ARHGAP6: variants seen among roughly 807,000 people sequenced by gnomAD.
The protein encoded by ARHGAP6 is rho GTPase-activating protein 6.
In ARHGAP6, 16 loss-of-function variants were observed where a neutral mutation model predicts 55.7. The observed-to-expected ratio is 0.29, with a 90% confidence interval of 0.19 to 0.44. ARHGAP6 has a LOEUF of 0.44. ARHGAP6 is among the 20% of genes least tolerant of loss of function. The pLI is 1.00. For missense variants in ARHGAP6, 698 were observed against 808.9 expected (o/e 0.86, Z 1.66); for synonymous variants, 382 against 360.9 (o/e 1.06, Z -0.66).
chrX:11,482,997 AT>A (rs2050473049), intron 1 of ARHGAP6, among the ~76,000 whole-genome samples: 1 of 110,107 alleles, frequency 9.1e-6, no homozygotes, highest in Non-Finnish European at 1.9e-5. Flanking sequence ...TTCCTCTACC[AT>A]TTTTTCCCAA....
At chrX:11,649,708 A>G (rs781511308) in intron 1 of ARHGAP6, among the ~76,000 whole-genome samples, 2 of 112,120 alleles carry the variant, frequency 1.8e-5, no homozygotes, top group African/African-American at 3.2e-5. Flanking sequence ...TTTCATAAAA[A>G]TAATGTAACC....
intron 1 of ARHGAP6, among the ~76,000 whole-genome samples, chrX:11,599,442 T>C (rs1285155057): frequency 8.9e-6 from 1 of 112,041 alleles, no homozygotes; most frequent in Non-Finnish European, 1.9e-5. Flanking sequence ...TAAACACTTA[T>C]AATTTTTTAT....
At chrX:11,287,796 C>T (rs769898998) in intron 1 of ARHGAP6, among the ~76,000 whole-genome samples, 7 of 112,511 alleles carry the variant, frequency 6.2e-5, no homozygotes, top group Non-Finnish European at 1.3e-4. Flanking sequence ...CCTGAAGCCC[C>T]TGGCACACAA....
intron 1 of ARHGAP6, among the ~76,000 whole-genome samples, chrX:11,422,694 G>GTA (rs1292494880): frequency 1.8e-5 from 2 of 112,300 alleles, no homozygotes; most frequent in Non-Finnish European, 3.8e-5. Context: ...TCATGTGTGT[G>GTA]TGGTCCAGGG....
Position 11,139,375 on chromosome X carries a change from G to A in ARHGAP6, c.2413C>T (p.Pro805Ser). ...GGGTGGGCCCTGCCCTCCGTCGCGGGGGCTGCGGCCTGAGTCCTCCGAGCC... is the reference window on the plus strand; with the variant it reads ...GGGTGGGCCCTGCCCTCCGTCGCGGAGGCTGCGGCCTGAGTCCTCCGAGCC... The part of the protein sequence containing the change: ...QGARRTQAAA[P>S]ATEGRAHPAV... Residue 805 changes from proline to serine, a missense_variant, in exon 13 of 13, where the codon CCC (proline) becomes TCC (serine). This residue lies in a region of ARHGAP6 where 212 missense variants were observed against 208.7 expected (regional missense o/e 1.02). Transcript: ENST00000337414. 2 of 1,182,020 alleles carry A rather than the reference G, an allele frequency of 1.7e-6. No individual in the cohort carries two copies. Among genetic ancestry groups the A allele is most frequent in the Non-Finnish European group, 2.3e-6 (2 of 882,177 alleles).
intron 1 of ARHGAP6, among the ~76,000 whole-genome samples, chrX:11,574,292 A>G (rs1399449255): frequency 9.0e-6 from 1 of 111,480 alleles, no homozygotes; most frequent in Non-Finnish European, 1.9e-5. Context: ...TTTTAGACAA[A>G]TATCCTTGAT....
At chrX:11,484,826 C>T (rs140262775) in intron 1 of ARHGAP6, among the ~76,000 whole-genome samples, 9,082 of 110,986 alleles carry the variant, frequency 0.082, 405 homozygotes, top group East Asian at 0.18. Context: ...AAAAGAAAAA[C>T]TATTAAATAG....
intron 1 of ARHGAP6, among the ~76,000 whole-genome samples, chrX:11,556,387 A>T (rs1050024579): frequency 8.9e-6 from 1 of 112,114 alleles, no homozygotes; most frequent in East Asian, 2.8e-4. Context: ...TTGCAAAGTG[A>T]TTTGAGTTAC....
chrX:11,366,635 C>T (rs923504408), intron 1 of ARHGAP6, among the ~76,000 whole-genome samples: 2 of 111,673 alleles, frequency 1.8e-5, no homozygotes, highest in African/African-American at 6.5e-5. Context: ...AGCTAGTTAG[C>T]ATCAAGTCTA....
intron 1 of ARHGAP6, among the ~76,000 whole-genome samples, chrX:11,544,365 T>C (rs2051191504): frequency 1.8e-5 from 2 of 112,494 alleles, no homozygotes; most frequent in South Asian, 7.4e-4. Context: ...GGCCAGACTT[T>C]AGCCAAAAGC....
At chrX:11,498,766 C>A (rs972717831) in intron 1 of ARHGAP6, among the ~76,000 whole-genome samples, 6 of 111,876 alleles carry the variant, frequency 5.4e-5, no homozygotes, top group Non-Finnish European at 1.9e-5. Context: ...AAAATAATGT[C>A]CCAATTCTCA....
At chrX:11,235,909 T>G (rs1194192014) in intron 2 of ARHGAP6, among the ~76,000 whole-genome samples, 1 of 112,005 alleles carries the variant, frequency 8.9e-6, no homozygotes, top group East Asian at 2.8e-4. Flanking sequence ...TCAAAGTTTC[T>G]GAGCCCTCTG....
chrX:11,418,945 G>A (rs1280476197), intron 1 of ARHGAP6, among the ~76,000 whole-genome samples: 2 of 111,756 alleles, frequency 1.8e-5, no homozygotes, highest in Non-Finnish European at 3.8e-5. Context: ...CCCCCCTCCC[G>A]CCAGCCCTCA....
chrX:11,359,263 C>T (rs5935034), intron 1 of ARHGAP6, among the ~76,000 whole-genome samples: 1 of 111,671 alleles, frequency 9.0e-6, no homozygotes, highest in Non-Finnish European at 1.9e-5. Flanking sequence ...ATGAGACAAA[C>T]GGATCAATCT....
intron 2 of ARHGAP6, among the ~76,000 whole-genome samples, chrX:11,250,432 C>G (rs2047408494): frequency 9.0e-6 from 1 of 111,603 alleles, no homozygotes; most frequent in Non-Finnish European, 1.9e-5. Context: ...TGACAAGAGA[C>G]TTAGTGTCTT....
At chrX:11,153,879 T>A (rs1303018085) in intron 10 of ARHGAP6, among the ~76,000 whole-genome samples, 1 of 110,929 alleles carries the variant, frequency 9.0e-6, no homozygotes, top group African/African-American at 3.3e-5. Flanking sequence ...TTGTTACATA[T>A]GCATGCATGT....
chrX:11,553,007 G>GA (rs2051286256), intron 1 of ARHGAP6, among the ~76,000 whole-genome samples: 14 of 110,830 alleles, frequency 1.3e-4, no homozygotes, highest in African/African-American at 4.6e-4. Context: ...AGTATGTGAG[G>GA]TAATGCATAT....
chrX:11,187,296 G>A (rs998281196), intron 4 of ARHGAP6, among the ~76,000 whole-genome samples: 1 of 111,426 alleles, frequency 9.0e-6, no homozygotes, highest in African/African-American at 3.3e-5. Flanking sequence ...GAATGGTAAA[G>A]GGTCAGGGAA....
At position 11,599,226 on chromosome X, in the gene ARHGAP6, G is replaced by A. The variant is rs367970583; in HGVS notation, c.588+65015C>T. 7.2e-5 allele frequency among the ~76,000 whole-genome samples: 8 copies of A among 111,533 alleles called. No homozygotes were observed. The East Asian group carries it at 8.4e-4, about 12-fold the overall frequency. Reference sequence around the variant, plus strand: ...TACTGCAAGGAACATGGGAGTGCAGGTATCTCTCTGAGATCCTGATTTTAA... The same window carrying A: ...TACTGCAAGGAACATGGGAGTGCAGATATCTCTCTGAGATCCTGATTTTAA... On this transcript the variant is annotated intron_variant, in intron 1 of 12. Coordinates refer to ENST00000337414, the MANE Select transcript of ARHGAP6 (RefSeq NM_013427.3).
Sources: allele counts gnomAD v4.1 joint callset (sites outside exome capture counted in the v4.1 genomes callset), GRCh38; gene constraint gnomAD v4.1.1; regional missense constraint gnomAD v4.1.1; transcripts MANE v1.5; gene names NCBI Gene and HGNC (gene_info 2026-07-23, HGNC 2026-07-21).